Variants in ST6GALNAC3 observed in about 807,000 individuals in gnomAD.
ST6GALNAC3 encodes the protein alpha-N-acetylgalactosaminide alpha-2,6-sialyltransferase 3.
A neutral mutation model predicts 32.7 loss-of-function variants in ST6GALNAC3; 25 were observed. The observed-to-expected ratio is 0.76, with a 90% CI of 0.56 to 1.07. The LOEUF is 1.07. ST6GALNAC3 is among the 50% of genes least tolerant of loss of function. ST6GALNAC3 has a pLI of 0.00. For synonymous variants in ST6GALNAC3, 129 were observed against 133.1 expected, an observed-to-expected ratio of 0.97 and a Z score of 0.21; for missense variants, 355 against 382.4, an observed-to-expected ratio of 0.93 and a Z score of 0.60.
In ST6GALNAC3 at chr1:76,495,688, G is replaced by A. The variant is rs183534096; in HGVS notation, c.623+83271G>A. Among the ~76,000 whole-genome samples the A allele has an allele frequency of 2.7e-3, 418 of 152,060 alleles. 2 individuals carry two copies. The highest frequency in any genetic ancestry group is 9.8e-3 in the African/African-American group (407 of 41,502). ...TATCTCACAGTACTTTGTGAAGGAA[G>A]GTAAAATAAAGTCAACTCGAAAATT... On this transcript the variant is annotated intron_variant, in intron 3 of 4. Coordinates refer to ENST00000328299, the MANE Select transcript of ST6GALNAC3 (RefSeq NM_152996.4).
chr1:76,148,473 G>A (rs1275120211), intron 1 of ST6GALNAC3, among the ~76,000 whole-genome samples: 1 of 152,090 alleles, frequency 6.6e-6, no homozygotes, highest in Admixed American at 6.6e-5. Context: ...GGGCAAATTT[G>A]TTTGGTTTTC....
intron 1 of ST6GALNAC3, among the ~76,000 whole-genome samples, chr1:76,079,347 T>C (rs1043392503): frequency 7.2e-5 from 11 of 152,256 alleles, no homozygotes; most frequent in Non-Finnish European, 1.5e-4. Context: ...TAAAATTTTA[T>C]GCAAGAAAAT....
intron 3 of ST6GALNAC3, among the ~76,000 whole-genome samples, chr1:76,609,032 A>C (rs1647749703): frequency 6.6e-6 from 1 of 152,166 alleles, no homozygotes; most frequent in Non-Finnish European, 1.5e-5. Context: ...TTCTGGTTAT[A>C]AGAGAAAATT....
At chr1:76,615,038 T>C (rs558271462) in intron 3 of ST6GALNAC3, among the ~76,000 whole-genome samples, 1 of 152,002 alleles carries the variant, frequency 6.6e-6, no homozygotes, top group Non-Finnish European at 1.5e-5. Flanking sequence ...TTTTTGTCTT[T>C]TGACAGTAAA....
At chr1:76,590,742 G>T (rs540021013) in intron 3 of ST6GALNAC3, among the ~76,000 whole-genome samples, 1 of 152,200 alleles carries the variant, frequency 6.6e-6, no homozygotes, top group Admixed American at 6.6e-5. Flanking sequence ...CCAGCATGCA[G>T]AAAGCCAGTA....
chr1:76,279,191 T>G (rs1412000613), intron 1 of ST6GALNAC3, among the ~76,000 whole-genome samples: 1 of 152,148 alleles, frequency 6.6e-6, no homozygotes. Flanking sequence ...GCAGGGGAAC[T>G]GAAATTGTAG....
At chr1:76,290,713 A>G (rs1660034367) in intron 1 of ST6GALNAC3, among the ~76,000 whole-genome samples, 1 of 152,102 alleles carries the variant, frequency 6.6e-6, no homozygotes, top group South Asian at 2.1e-4. Flanking sequence ...TCCCACCCTT[A>G]TCTCATACTG....
At chr1:76,628,474 A>T in intron 4 of ST6GALNAC3, 146 bp from the exon 5 acceptor site, 1 of 750,270 alleles carries the variant, frequency 1.3e-6, no homozygotes, top group Non-Finnish European at 2.0e-6. Context: ...TCATACATAT[A>T]ATAGCTTTTA....
At chr1:76,622,218 G>A (rs1054504334) in intron 3 of ST6GALNAC3, among the ~76,000 whole-genome samples, 1 of 151,930 alleles carries the variant, frequency 6.6e-6, no homozygotes, top group Non-Finnish European at 1.5e-5. Context: ...AGATACTGTG[G>A]CTTCTGAACT....
intron 1 of ST6GALNAC3, among the ~76,000 whole-genome samples, chr1:76,158,258 T>G (rs1651588845): frequency 6.6e-6 from 1 of 152,228 alleles, no homozygotes; most frequent in South Asian, 2.1e-4. Flanking sequence ...TTTCTGTCTT[T>G]CCTGGCTTAC....
At chr1:76,495,192 C>G (rs773057486) in intron 3 of ST6GALNAC3, among the ~76,000 whole-genome samples, 26 of 152,152 alleles carry the variant, frequency 1.7e-4, no homozygotes, top group Admixed American at 4.6e-4. Flanking sequence ...ATGAGCCAGT[C>G]AAGTTGACAC....
chr1:76,526,647 G>T (rs976708072), intron 3 of ST6GALNAC3, among the ~76,000 whole-genome samples: 1 of 152,058 alleles, frequency 6.6e-6, no homozygotes, highest in African/African-American at 2.4e-5. Flanking sequence ...GCCTATAAAT[G>T]CCATGGAGTC....
At chr1:76,367,608 G>C (rs1650478091) in intron 2 of ST6GALNAC3, among the ~76,000 whole-genome samples, 1 of 152,054 alleles carries the variant, frequency 6.6e-6, no homozygotes. Context: ...ACATATTATA[G>C]ATAGCTCTCT....
chr1:76,537,310 G>A (rs1199181480), intron 3 of ST6GALNAC3, among the ~76,000 whole-genome samples: 3 of 152,094 alleles, frequency 2.0e-5, no homozygotes, highest in African/African-American at 4.8e-5. Flanking sequence ...GAATCTCTGC[G>A]ACATAGCTAA....
chr1:76,243,061 A>C (rs969144066), intron 1 of ST6GALNAC3, among the ~76,000 whole-genome samples: 2 of 152,228 alleles, frequency 1.3e-5, no homozygotes, highest in South Asian at 2.1e-4. Context: ...ACTAATTTAC[A>C]TTCCCACCAA....
chr1:76,514,091 A>G (rs1662030973), intron 3 of ST6GALNAC3, among the ~76,000 whole-genome samples: 1 of 152,194 alleles, frequency 6.6e-6, no homozygotes, highest in South Asian at 2.1e-4. Context: ...ACATAAAATC[A>G]TGTCATTTGT....
chr1:76,146,925 C>T (rs1187287643), intron 1 of ST6GALNAC3, among the ~76,000 whole-genome samples: 2 of 152,144 alleles, frequency 1.3e-5, no homozygotes, highest in Non-Finnish European at 2.9e-5. Context: ...TCCTCCTTGA[C>T]ATCTCTCCTA....
intron 2 of ST6GALNAC3, among the ~76,000 whole-genome samples, chr1:76,404,116 C>A (rs753040449): frequency 5.3e-5 from 8 of 151,966 alleles, no homozygotes; most frequent in Admixed American, 1.3e-4. Flanking sequence ...TATGCACCCC[C>A]ATATTAAGTT....
chr1:76,141,318 C>T lies in ST6GALNAC3; in HGVS notation c.18+66434C>T, dbSNP rs548668603. On this transcript the variant is annotated intron_variant, in intron 1 of 4. Transcript: ENST00000328299. ...CTCGTCTGTTGCCCAGAAAAGAAGTCAGTTTACGTATGCATCTTCCCTGGG... is the reference window on the plus strand; with the variant it reads ...CTCGTCTGTTGCCCAGAAAAGAAGTTAGTTTACGTATGCATCTTCCCTGGG... Among the ~76,000 whole-genome samples, 19 of 152,250 alleles carry T rather than the reference C, an allele frequency of 1.2e-4. No individual in the cohort carries two copies. In the South Asian group the frequency reaches 2.1e-3, roughly 17 times the overall value.
Sources: allele counts gnomAD v4.1 joint callset (sites outside exome capture counted in the v4.1 genomes callset), GRCh38; gene constraint gnomAD v4.1.1; transcripts MANE v1.5; gene names NCBI Gene and HGNC (gene_info 2026-07-23, HGNC 2026-07-21).